UGT2B7: variants seen among roughly 807,000 people sequenced by gnomAD.
The protein encoded by UGT2B7 is UDP glucuronosyltransferase family 2 member B7.
A neutral mutation model predicts 51.9 loss-of-function variants in UGT2B7; 51 were observed. That is an observed-to-expected ratio of 0.98 (90% CI 0.78 to 1.24). UGT2B7 has a LOEUF of 1.24. UGT2B7 is among the 50% of genes most tolerant of loss of function. UGT2B7 has a pLI of 0.00. For missense variants in UGT2B7, 727 were observed against 628.4 expected (o/e 1.16, Z -1.68); for synonymous variants, 225 against 211.6 (o/e 1.06, Z -0.55).
At chr4:69,078,765 C>G (rs1347397670) in intron 1 of UGT2B7, among the ~76,000 whole-genome samples, 1 of 152,088 alleles carries the variant, frequency 6.6e-6, no homozygotes, top group Non-Finnish European at 1.5e-5. Flanking sequence ...GGGTTGGAAG[C>G]TCTTGCAGAT....
upstream of UGT2B7, among the ~76,000 whole-genome samples, chr4:69,095,655 G>A (rs547256512): frequency 5.3e-4 from 80 of 152,318 alleles, no homozygotes; most frequent in African/African-American, 1.9e-3. Context: ...AATGCTGAAT[G>A]TACTACAAGC....
intron 1 of UGT2B7, among the ~76,000 whole-genome samples, chr4:69,082,964 A>T (rs918408356): frequency 2.0e-5 from 3 of 152,086 alleles, no homozygotes; most frequent in African/African-American, 4.8e-5. Flanking sequence ...GCCAATGTTC[A>T]TTTATTATTT....
At chr4:69,074,685 T>C (rs1187872985) in intron 1 of UGT2B7, among the ~76,000 whole-genome samples, 1 of 152,032 alleles carries the variant, frequency 6.6e-6, no homozygotes, top group East Asian at 1.9e-4. Flanking sequence ...ATTTTATTAT[T>C]ATTATTTTTT....
At chr4:69,061,863 G>T (rs1412908958) in intron 1 of UGT2B7, among the ~76,000 whole-genome samples, 1 of 152,138 alleles carries the variant, frequency 6.6e-6, no homozygotes. Context: ...GCCCCAAGCA[G>T]GGGTCTATAG....
At position 69,098,480 on chromosome 4, in the gene UGT2B7, G is replaced by A. The variant is rs1006195399; in HGVS notation, c.722-60G>A. ...GCCTACATTATTCTAACCCCTTTCA[G>A]AAATTTACCTAAAGTAATTATCTTG... On this transcript the variant is annotated intron_variant, in intron 1 of 5. Coordinates refer to ENST00000305231, the MANE Select transcript of UGT2B7 (RefSeq NM_001074.4). The A allele has an allele frequency of 3.8e-6, 6 of 1,566,366 alleles. No individual in the cohort carries two copies. In the East Asian group the frequency reaches 1.4e-4, roughly 35 times the overall value.
At chr4:69,105,592 A>G (rs971146059) in intron 3 of UGT2B7, among the ~76,000 whole-genome samples, 5 of 152,204 alleles carry the variant, frequency 3.3e-5, no homozygotes, top group Non-Finnish European at 7.3e-5. Context: ...TCAGCAAGAT[A>G]CAATTTTGAG....
rs60807201 is a variant in UGT2B7, at chr4:69,064,112, A to AAAAG, written c.-159+12534_-159+12537dup. ...AGAAAGAAAGAGAAAGAAAGAAAGA[A>AAAAG]AAAGAAAGAAAGAAAGAAAGAAAGA... On this transcript the variant is annotated intron_variant, in intron 1 of 5. Transcript: ENST00000502942. Among the ~76,000 whole-genome samples the AAAAG allele has an allele frequency of 7.7e-3, 667 of 86,796 alleles. 25 individuals are homozygous for AAAAG. The highest frequency in any genetic ancestry group is 0.018 in the Admixed American group (156 of 8,816). The allele number at this position is 86,796 out of a possible 152,430, so 56.9% of individuals were successfully genotyped here.
chr4:69,072,458 C>T (rs192466259), intron 1 of UGT2B7, among the ~76,000 whole-genome samples: 185 of 152,188 alleles, frequency 1.2e-3, no homozygotes, highest in Admixed American at 2.1e-3. Context: ...CTGAGTCTAT[C>T]GATGTCAAGG....
At chr4:69,061,845 T>A (rs4413468) in intron 1 of UGT2B7, among the ~76,000 whole-genome samples, 70,485 of 152,006 alleles carry the variant, frequency 0.46, 17,942 homozygotes, top group African/African-American at 0.67. Flanking sequence ...TATGGACTTC[T>A]CCGAATTGCC....
chr4:69,099,855 C>A (rs922809685), intron 2 of UGT2B7, among the ~76,000 whole-genome samples: 1 of 151,994 alleles, frequency 6.6e-6, no homozygotes, highest in Non-Finnish European at 1.5e-5. Flanking sequence ...TATTCTCTTG[C>A]AGAGTCATAG....
intron 1 of UGT2B7, among the ~76,000 whole-genome samples, chr4:69,077,696 T>C (rs1718746460): frequency 6.6e-6 from 1 of 151,936 alleles, no homozygotes; most frequent in East Asian, 1.9e-4. Context: ...GACAGTGGGG[T>C]TTTTCTTAAC....
intron 1 of UGT2B7, among the ~76,000 whole-genome samples, chr4:69,060,265 A>G (rs1287324104): frequency 2.0e-5 from 3 of 152,356 alleles, no homozygotes; most frequent in East Asian, 3.9e-4. Flanking sequence ...TTAGGCTTCT[A>G]TATAAGCCAA....
Position 69,097,001 on chromosome 4 carries a change from G to T in UGT2B7, c.481G>T (p.Ala161Ser), listed in dbSNP as rs756445459. ...DAIFPCSELL[A>S]ELFNIPFVYS... is the part of the protein sequence containing the mutation. ...TATTTTTCCCTGTAGTGAGCTGCTG[G>T]CTGAGCTATTTAACATACCCTTTGT... The change falls in exon 1 of 6, where the codon GCT (alanine) becomes TCT (serine). Residue 161 changes from alanine (A) to serine (S), a missense_variant. Ala to Ser is a moderately conservative substitution (Grantham distance 99). Coordinates refer to ENST00000305231, the MANE Select transcript of UGT2B7 (RefSeq NM_001074.4). The T allele has an allele frequency of 8.1e-6, 13 of 1,613,756 alleles. No individual in the cohort carries two copies.
intron 1 of UGT2B7, among the ~76,000 whole-genome samples, chr4:69,072,135 G>A (rs7660019): frequency 0.43 from 65,064 of 151,718 alleles, 15,484 homozygotes; most frequent in African/African-American, 0.64. Flanking sequence ...GAATATGAAG[G>A]TTTACTTGAT....
At chr4:69,090,251 A>G (rs959735594) in intron 2 of UGT2B7, among the ~76,000 whole-genome samples, 2 of 152,196 alleles carry the variant, frequency 1.3e-5, no homozygotes, top group Non-Finnish European at 2.9e-5. Context: ...TGTAATGTTT[A>G]ATTAAAGTTC....
intron 1 of UGT2B7, among the ~76,000 whole-genome samples, chr4:69,071,904 A>G (rs1224256525): frequency 6.6e-6 from 1 of 152,116 alleles, no homozygotes; most frequent in Non-Finnish European, 1.5e-5. Context: ...TGTACTACAC[A>G]AACTAAATTT....
chr4:69,084,124 A>G (rs1188554295), intron 1 of UGT2B7, among the ~76,000 whole-genome samples: 2 of 152,100 alleles, frequency 1.3e-5, no homozygotes, highest in African/African-American at 4.8e-5. Flanking sequence ...TTGTGCATCT[A>G]CTGATAAAAT....
At chr4:69,052,849 C>G (rs60212682) in intron 1 of UGT2B7, among the ~76,000 whole-genome samples, 70,338 of 151,872 alleles carry the variant, frequency 0.46, 17,789 homozygotes, top group African/African-American at 0.66. Flanking sequence ...TAAAACATAC[C>G]TTTGGTAAAA....
intron 1 of UGT2B7, among the ~76,000 whole-genome samples, chr4:69,075,847 G>T (rs1718690486): frequency 6.6e-6 from 1 of 152,078 alleles, no homozygotes; most frequent in Non-Finnish European, 1.5e-5. Flanking sequence ...TGCTACATAG[G>T]TATACATGTA....
Sources: allele counts gnomAD v4.1 joint callset (sites outside exome capture counted in the v4.1 genomes callset), GRCh38; gene constraint gnomAD v4.1.1; transcripts MANE v1.5; gene names NCBI Gene and HGNC (gene_info 2026-07-23, HGNC 2026-07-21).